LPP: variants seen among roughly 807,000 people sequenced by gnomAD.
LPP encodes the protein LIM domain containing preferred translocation partner in lipoma, also known as lipoma-preferred partner.
In LPP, 38 loss-of-function variants were observed where a neutral mutation model predicts 60.4. The ratio of observed to expected loss-of-function variants is 0.63; its 90% CI spans 0.49 to 0.83. The LOEUF (loss-of-function observed/expected upper bound fraction) is 0.83. Among genes scored for constraint, LPP ranks in the 40% least tolerant of loss-of-function variants. LPP has a pLI of 0.00. For synonymous variants in LPP, 328 were observed against 290.8 expected (o/e 1.13, Z -1.30); for missense variants, 902 against 783.6 (o/e 1.15, Z -1.80).
At chr3:188,199,856 A>G (rs1730574898) in intron 1 of LPP, among the ~76,000 whole-genome samples, 1 of 151,904 alleles carries the variant, frequency 6.6e-6, no homozygotes, top group Non-Finnish European at 1.5e-5. Context: ...CTGGGACTAT[A>G]GGTGCACACC....
intron 8 of LPP, chr3:188,708,783 G>A: frequency 7.5e-6 from 2 of 266,108 alleles, no homozygotes; most frequent in Non-Finnish European, 1.4e-5. Context: ...ACCTGAGCCT[G>A]GGAGGTCGAG....
intron 2 of LPP, among the ~76,000 whole-genome samples, chr3:188,261,637 G>A (rs530948634): frequency 1.3e-5 from 2 of 152,240 alleles, no homozygotes; most frequent in South Asian, 4.1e-4. Context: ...ACCGGACATG[G>A]TGGCTCATGC....
At chr3:188,157,567 A>G (rs1244186928) in intron 1 of LPP, among the ~76,000 whole-genome samples, 1 of 152,284 alleles carries the variant, frequency 6.6e-6, no homozygotes, top group East Asian at 1.9e-4. Flanking sequence ...GGTAGCAGGT[A>G]AAACCCGGGG....
At chr3:188,704,427 G>A (rs949642560) in intron 7 of LPP, among the ~76,000 whole-genome samples, 8 of 152,146 alleles carry the variant, frequency 5.3e-5, no homozygotes, top group Admixed American at 4.6e-4. Flanking sequence ...AGTTATGAAA[G>A]GTTGACAAGC....
intron 5 of LPP, among the ~76,000 whole-genome samples, chr3:188,524,085 A>T (rs1241627919): frequency 3.3e-5 from 5 of 152,202 alleles, no homozygotes; most frequent in African/African-American, 1.2e-4. Context: ...CTTCCCCTGC[A>T]GCCCCTTGGC....
chr3:188,478,166 T>G (rs1483724219), intron 4 of LPP, among the ~76,000 whole-genome samples: 2 of 152,220 alleles, frequency 1.3e-5, no homozygotes, highest in Non-Finnish European at 2.9e-5. Context: ...TTCAGGGAGC[T>G]TGGTCTCCTC....
intron 1 of LPP, among the ~76,000 whole-genome samples, chr3:188,186,011 G>A (rs1473706785): frequency 6.6e-6 from 1 of 152,254 alleles, no homozygotes; most frequent in African/African-American, 2.4e-5. Context: ...TGTAGGAAAG[G>A]AGTGTCAGGC....
chr3:188,553,039 T>C (rs572241292), intron 6 of LPP, among the ~76,000 whole-genome samples: 119 of 152,194 alleles, frequency 7.8e-4, no homozygotes, highest in African/African-American at 2.8e-3. Context: ...ATGTAAAGAG[T>C]TCTGAAGTTA....
At chr3:188,818,484 A>G (rs983317783) in intron 9 of LPP, among the ~76,000 whole-genome samples, 5 of 152,222 alleles carry the variant, frequency 3.3e-5, no homozygotes, top group Non-Finnish European at 5.9e-5. Flanking sequence ...GATAGTCCAC[A>G]GGACTCTGGA....
intron 6 of LPP, among the ~76,000 whole-genome samples, chr3:188,541,078 T>C (rs1395179259): frequency 1.3e-5 from 2 of 152,210 alleles, no homozygotes; most frequent in Admixed American, 6.5e-5. Flanking sequence ...AATGCAAAAA[T>C]TATGACTCAT....
chr3:188,388,905 C>G (rs1300658009), intron 3 of LPP, among the ~76,000 whole-genome samples: 1 of 152,078 alleles, frequency 6.6e-6, no homozygotes, highest in African/African-American at 2.4e-5. Context: ...GCAAAAGCAT[C>G]AATAGACAAT....
chr3:188,611,936 C>A (rs969449700), intron 7 of LPP, among the ~76,000 whole-genome samples: 1 of 152,184 alleles, frequency 6.6e-6, no homozygotes, highest in Non-Finnish European at 1.5e-5. Context: ...TTGGCCTGTC[C>A]TCACCAACTG....
At chr3:188,544,138 T>C (rs1250746402) in intron 6 of LPP, among the ~76,000 whole-genome samples, 1 of 152,174 alleles carries the variant, frequency 6.6e-6, no homozygotes, top group African/African-American at 2.4e-5. Flanking sequence ...CCAAAGCATA[T>C]AGAGGGCCTT....
rs1192152538 is a variant in LPP, at chr3:188,495,064, T to TTATATATATATATATATATATATATATA, written c.306+10379_306+10380insATATATATATATATATATATATATATAT. On this transcript the variant is annotated intron_variant, in intron 5 of 11. Transcript: ENST00000617246. ...CCTTGCTATTATAAGGTTCAGGATT[T>TTATATATATATATATATATATATATATA]TATATATATATATATATATTTTATT... Among the ~76,000 whole-genome samples, 503 of 53,732 alleles carry TTATATATATATATATATATATATATATA rather than the reference T, an allele frequency of 9.4e-3. 24 individuals are homozygous for TTATATATATATATATATATATATATATA. The highest frequency in any genetic ancestry group is 0.025 in the East Asian group (14 of 566). 35.3% of individuals were successfully genotyped at this position (53,732 alleles called of 152,430 possible).
intron 2 of LPP, among the ~76,000 whole-genome samples, chr3:188,248,061 C>T (rs1232406845): frequency 1.3e-5 from 2 of 152,036 alleles, no homozygotes; most frequent in Non-Finnish European, 2.9e-5. Context: ...TTGATCTAGT[C>T]TTGATTTCGT....
chr3:188,537,820 G>A (rs557142451), intron 6 of LPP, among the ~76,000 whole-genome samples: 100 of 152,048 alleles, frequency 6.6e-4, no homozygotes, highest in Non-Finnish European at 8.1e-4. Context: ...GGAAGTTTCC[G>A]ACACACACTT....
chr3:188,625,617 T>G (rs1004339002), intron 7 of LPP, among the ~76,000 whole-genome samples: 12 of 152,198 alleles, frequency 7.9e-5, no homozygotes, highest in Non-Finnish European at 1.5e-4. Flanking sequence ...ATCAACAATA[T>G]GAAATATGTG....
chr3:188,681,547 A>G (rs994905473), intron 7 of LPP, among the ~76,000 whole-genome samples: 1 of 152,162 alleles, frequency 6.6e-6, no homozygotes, highest in African/African-American at 2.4e-5. Flanking sequence ...TGCCATCTGT[A>G]TGCTTCCTGC....
At chr3:188,653,419 G>T (rs1419114097) in intron 7 of LPP, among the ~76,000 whole-genome samples, 1 of 152,030 alleles carries the variant, frequency 6.6e-6, no homozygotes, top group African/African-American at 2.4e-5. Context: ...AGGTGTAATA[G>T]AAATTTTGGA....
Sources: gnomAD v4.1 joint callset for allele counts (sites outside exome capture counted in the v4.1 genomes callset) on GRCh38, gnomAD v4.1.1 for gene constraint, MANE v1.5 for transcripts, NCBI Gene and HGNC (gene_info 2026-07-23, HGNC 2026-07-21) for gene names.